USP42: variants seen among roughly 807,000 people sequenced by gnomAD.
The protein encoded by USP42 is ubiquitin specific peptidase 42.
Under a neutral mutation model 113.0 loss-of-function variants are expected in USP42, and 23 were observed. That is an observed-to-expected ratio of 0.20 (90% CI 0.15 to 0.29). The LOEUF (loss-of-function observed/expected upper bound fraction) is 0.29. Ranked by LOEUF, USP42 falls within the 10% of genes least tolerant of loss-of-function variation. The pLI is 1.00. For synonymous variants in USP42, 933 were observed against 699.0 expected (o/e 1.33, Z -5.28); for missense variants, 2,174 against 1,779.8 (o/e 1.22, Z -3.99).
chr7:6,089,578 G>C, the USP42 span, among the ~76,000 whole-genome samples: 1 of 148,288 alleles, frequency 6.7e-6, no homozygotes, highest in African/African-American at 2.6e-5. Flanking sequence ...TGTCTCCCAG[G>C]CTGGAGTGCA....
In USP42 at chr7:6,136,580, A is replaced by C. The variant is rs146144646; in HGVS notation, c.553+629A>C. ...TCTTTGCTCTGAAACTTGGATTTCT[A>C]TGCTGAGTAATACTAATTCTGATAT... is the stretch of plus-strand genomic sequence containing the variant. On this transcript the variant is annotated intron_variant, in intron 4 of 17. Coordinates refer to ENST00000306177, the MANE Select transcript of USP42 (RefSeq NM_032172.3). Among the ~76,000 whole-genome samples the C allele has an allele frequency of 1.1e-3, 169 of 152,294 alleles. 3 individuals carry two copies. In the East Asian group the frequency reaches 0.031, roughly 28 times the overall value.
intron 14 of USP42, among the ~76,000 whole-genome samples, 184 bp downstream of exon 14, chr7:6,150,690 G>T (rs1363091411): frequency 6.6e-6 from 1 of 152,156 alleles, no homozygotes; most frequent in East Asian, 1.9e-4. Context: ...AAAAAATGTG[G>T]CATACAGGAC....
rs1415006527 is a variant in USP42, at chr7:6,161,200, A to C, written c.*682A>C. On this transcript the variant is annotated 3_prime_UTR_variant, in exon 18 of 18. Transcript: ENST00000306177. ...TTTGTAAAGCCGACAGTATGTTTCT[A>C]TTACACAACACTTTTTGATACAGCG... 6.5e-6 allele frequency: 1 copy of C among 152,732 alleles called. No homozygotes were observed. The highest frequency in any genetic ancestry group is 2.4e-5 in the African/African-American group (1 of 41,564). The allele number at this position is 152,732 out of a possible 1,614,324, so 9.5% of individuals were successfully genotyped here.
chr7:6,081,452 G>C, the USP42 span, among the ~76,000 whole-genome samples: 16 of 152,252 alleles, frequency 1.1e-4, no homozygotes, highest in Non-Finnish European at 2.4e-4. Flanking sequence ...TCGTCCGCCG[G>C]ACAGCCAATC....
At chr7:6,143,728 G>A in intron 8 of USP42, among the ~76,000 whole-genome samples, 1 of 151,910 alleles carries the variant, frequency 6.6e-6, no homozygotes, top group Middle Eastern at 3.4e-3. Context: ...TTTTAAATTA[G>A]ATGAATTTAA....
At position 6,119,931 on chromosome 7, in the gene USP42, C is replaced by T. The variant is rs146434215; in HGVS notation, c.442+4408C>T. ...TGCCCAGGCTGGTCTTGAACTCCTA[C>T]GCTTAAGCGGTTCTCTTGCCTCAGC... On this transcript the variant is annotated intron_variant, in intron 3 of 17. Transcript: ENST00000306177. Among the ~76,000 whole-genome samples, 54 of 152,100 alleles carry T rather than the reference C, an allele frequency of 3.6e-4. No homozygotes were observed. In the East Asian group the frequency reaches 6.4e-3, roughly 18 times the overall value.
rs143938262 is a variant in USP42 at position 6,111,666 on chromosome 7, G to T, written c.241+292G>T. 1,211 of 213,248 alleles carry T rather than the reference G, an allele frequency of 5.7e-3. 20 individuals are homozygous for T. The highest frequency in any genetic ancestry group is 0.027 in the African/African-American group (1,158 of 42,552). The allele number at this position is 213,248 out of a possible 1,614,324, so 13.2% of individuals were successfully genotyped here. ...CACCCAGGCTGGAGTGCAGTGGCGCGATCTTGACTCACTGCAAGCTCTGCC... is the reference window on the plus strand; with the variant it reads ...CACCCAGGCTGGAGTGCAGTGGCGCTATCTTGACTCACTGCAAGCTCTGCC... On this transcript the variant is annotated intron_variant, in intron 2 of 17. Coordinates refer to ENST00000306177, the MANE Select transcript of USP42 (RefSeq NM_032172.3).
chr7:6,102,395 A>C (rs557898382), upstream of USP42, among the ~76,000 whole-genome samples: 174 of 147,748 alleles, frequency 1.2e-3, 1 homozygote, highest in East Asian at 1.7e-3. Context: ...TACAGGCGTG[A>C]GCCACCACGC....
Position 6,139,045 on chromosome 7 carries a change from C to CTT in USP42, c.554-46_554-45dup. The CTT allele has an allele frequency of 7.6e-7, 1 of 1,315,544 alleles. No homozygotes were observed. Among genetic ancestry groups the CTT allele is most frequent in the Non-Finnish European group, 1.1e-6 (1 of 940,910 alleles). 81.5% of individuals were successfully genotyped at this position (1,315,544 alleles called of 1,614,324 possible). On this transcript the variant is annotated intron_variant, in intron 4 of 17. Transcript: ENST00000306177. The surrounding 1 kb of genome is among the most constrained non-coding windows in gnomAD (Gnocchi z 4.5). ...TATATTTTGGGGGGTACAACTTAGG[C>CTT]TTATTACGTGTAATGATAAAGCCTT...
Position 6,154,287 on chromosome 7 carries a change from C to G in USP42, c.2733C>G (p.His911Gln). ...TGCTGGACATGGCCCCGGCCGGTCA[C>G]CCGGAAGGGGACGCTGAGCCTAGCC... ...APVLDMAPAG[H>Q]PEGDAEPSPG... is the part of the protein sequence containing the mutation. Residue 911 changes from histidine (H) to glutamine (Q), a missense_variant, in exon 15 of 18, where the codon CAC (histidine) becomes CAG (glutamine). Physicochemically the swap from His to Gln is conservative, Grantham distance 24. Coordinates refer to ENST00000306177, the MANE Select transcript of USP42 (RefSeq NM_032172.3). 6.3e-7 allele frequency: 1 copy of G among 1,591,312 alleles called. No homozygotes were observed. Among genetic ancestry groups the G allele is most frequent in the Non-Finnish European group, 8.5e-7 (1 of 1,169,844 alleles).
rs1017057808 is a variant in USP42, at chr7:6,158,438, G to A, written c.3944-1012G>A. Reference sequence around the variant, plus strand: ...GCTGCCCTGAGGCCTTTTGCTTCTCGGCTGAGTTGTGGGTTAGGTGGAGCT... The same window carrying A: ...GCTGCCCTGAGGCCTTTTGCTTCTCAGCTGAGTTGTGGGTTAGGTGGAGCT... On this transcript the variant is annotated intron_variant, in intron 16 of 17. Coordinates refer to ENST00000306177, the MANE Select transcript of USP42 (RefSeq NM_032172.3). This position sits in a 1 kb window ranked among gnomAD's most constrained non-coding sequence, Gnocchi z 4.2. Among the ~76,000 whole-genome samples, 2 of 152,122 alleles carry A rather than the reference G, an allele frequency of 1.3e-5. No homozygotes were observed. The highest frequency in any genetic ancestry group is 2.9e-5 in the Non-Finnish European group (2 of 68,036).
At chr7:6,131,046 G>A (rs762114615) in intron 3 of USP42, among the ~76,000 whole-genome samples, 1 of 152,112 alleles carries the variant, frequency 6.6e-6, no homozygotes, top group African/African-American at 2.4e-5. Flanking sequence ...TGCCTCCTGG[G>A]GTGCACAGGC....
chr7:6,107,432 G>A (rs1480756168), intron 1 of USP42, among the ~76,000 whole-genome samples: 3 of 137,754 alleles, frequency 2.2e-5, no homozygotes, highest in Non-Finnish European at 4.7e-5. Context: ...TTTTTGAGAC[G>A]GAGTTTCACT....
At chr7:6,131,678 C>G (rs924646443) in intron 3 of USP42, among the ~76,000 whole-genome samples, 4 of 152,102 alleles carry the variant, frequency 2.6e-5, no homozygotes, top group African/African-American at 9.7e-5. Flanking sequence ...GACTTTAGCT[C>G]TAAGTCTGGA....
chr7:6,082,423 C>A, the USP42 span, among the ~76,000 whole-genome samples: 1 of 150,416 alleles, frequency 6.6e-6, no homozygotes, highest in African/African-American at 2.5e-5. Context: ...CCACCGCGCC[C>A]GGCCCGGGTG....
In USP42 at chr7:6,154,581, C is replaced by T. The variant is rs752331174; in HGVS notation, c.3027C>T (p.Gly1009=). The T allele has an allele frequency of 6.4e-6, 10 of 1,563,726 alleles. 1 individual carries two copies. In the South Asian group the frequency reaches 9.4e-5, roughly 15 times the overall value. The change falls in exon 15 of 18, where the codon GGC becomes GGT. Residue 1009 remains glycine, a synonymous_variant. Transcript: ENST00000306177. The part of the protein sequence containing the change: ...HPGHGDRLSP[G]ERRSLGRCSH... ...GCCACGGCGACAGGCTCAGCCCTGG[C>T]GAGCGCCGCTCTCTGGGCAGGTGCA...
At chr7:6,083,289 G>T in the USP42 span, among the ~76,000 whole-genome samples, 1 of 143,748 alleles carries the variant, frequency 7.0e-6, no homozygotes, top group Admixed American at 7.0e-5. Context: ...ACAGTCTAGC[G>T]CTGTGGCCCA....
the USP42 span, among the ~76,000 whole-genome samples, chr7:6,091,978 T>TTCTTCTTCTTC: frequency 1.3e-4 from 9 of 67,922 alleles, no homozygotes; most frequent in East Asian, 4.3e-4. Flanking sequence ...GGACGTATTT[T>TTCTTCTTCTTC]TTCTTCTTCT....
In USP42 at chr7:6,154,969, C is replaced by G. The variant is rs766792219; in HGVS notation, c.3415C>G (p.Leu1139Val). The G allele has an allele frequency of 2.6e-6, 4 of 1,561,012 alleles. No individual in the cohort carries two copies. Among genetic ancestry groups the G allele is most frequent in the Non-Finnish European group, 1.7e-6 (2 of 1,152,112 alleles). The change falls in exon 15 of 18, where the codon CTT becomes GTT. Residue 1139 changes from leucine (L) to valine (V), a missense_variant. Transcript: ENST00000306177. ...PDRFSHDRTA[L>V]VAGDNCNLSD... is the part of the protein sequence containing the mutation. The stretch of plus-strand genomic sequence containing the variant: ...CCGCTTCTCCCACGACAGAACTGCA[C>G]TTGTAGCCGGAGACAACTGTAACCT...
Sources: gnomAD v4.1 joint callset for allele counts (sites outside exome capture counted in the v4.1 genomes callset) on GRCh38, gnomAD v4.1.1 for gene constraint, Gnocchi (gnomAD v3.1) non-coding constraint, MANE v1.5 for transcripts, NCBI Gene and HGNC (gene_info 2026-07-23, HGNC 2026-07-21) for gene names.